Variants in UBXN2B observed in about 807,000 individuals in gnomAD.
UBXN2B encodes the protein UBX domain protein 2B.
In UBXN2B, 19 loss-of-function variants were observed where a neutral mutation model predicts 37.5. The ratio of observed to expected loss-of-function variants is 0.51; its 90% confidence interval spans 0.35 to 0.74. The LOEUF (loss-of-function observed/expected upper bound fraction) is 0.74, where lower values mean the gene tolerates loss of function less well. UBXN2B is among the 30% of genes least tolerant of loss of function. The probability of loss-of-function intolerance (pLI) is 0.01; values close to 1 mark genes in which losing one functional copy is unlikely to be tolerated. For missense variants in UBXN2B, 370 were observed against 393.2 expected, an observed-to-expected ratio of 0.94 and a Z score of 0.50; for synonymous variants, 145 against 143.8, an observed-to-expected ratio of 1.01 and a Z score of -0.06.
At chr8:58,412,773 T>A (rs780667774) in intron 1 of UBXN2B, among the ~76,000 whole-genome samples, 1 of 152,262 alleles carries the variant, frequency 6.6e-6, no homozygotes, top group Non-Finnish European at 1.5e-5. Context: ...TGTCTTCATT[T>A]GTAAACTGAG....
rs773987509 is a variant in UBXN2B, at chr8:58,437,318, CTTTTTTTTTTTTT to C, written c.534-2300_534-2288del. Among the ~76,000 whole-genome samples the C allele has an allele frequency of 1.8e-4, 13 of 74,262 alleles. 1 individual carries two copies. Among genetic ancestry groups the C allele is most frequent in the African/African-American group, 7.3e-4 (13 of 17,860 alleles). The allele number at this position is 74,262 out of a possible 152,430, so 48.7% of individuals were successfully genotyped here. A position where few individuals can be genotyped will look rare whatever the true frequency, so the allele number is the denominator to read the frequency against. ...CTAGGGTACCTGGTGGAAGAAATTT[CTTTTTTTTTTTTT>C]TTTTTTTTTTTTTTGGAGACGATTC... On this transcript the variant is annotated intron_variant, in intron 5 of 7. Transcript: ENST00000399598.
intron 5 of UBXN2B, among the ~76,000 whole-genome samples, chr8:58,439,126 G>T (rs1041549930): frequency 3.9e-5 from 6 of 152,108 alleles, no homozygotes; most frequent in Non-Finnish European, 7.3e-5. Flanking sequence ...AGATTCTGGT[G>T]CCTTGTTGCT....
intron 2 of UBXN2B, among the ~76,000 whole-genome samples, chr8:58,427,320 A>G (rs1433578491): frequency 6.6e-6 from 1 of 152,158 alleles, no homozygotes; most frequent in African/African-American, 2.4e-5. Flanking sequence ...AAAAATAGCC[A>G]AGCGTGGTGG....
intron 2 of UBXN2B, among the ~76,000 whole-genome samples, chr8:58,417,823 C>A (rs1374637084): frequency 6.6e-6 from 1 of 152,194 alleles, no homozygotes; most frequent in Non-Finnish European, 1.5e-5. Flanking sequence ...TTCTCTCTCT[C>A]TTTTTTACTC....
chr8:58,434,157 TG>T (rs1259135886), intron 4 of UBXN2B, among the ~76,000 whole-genome samples: 1 of 152,160 alleles, frequency 6.6e-6, no homozygotes, highest in African/African-American at 2.4e-5. Context: ...CTTTGGTATT[TG>T]CAGCCATTGT....
chr8:58,413,597 A>G (rs1262772587), intron 1 of UBXN2B, among the ~76,000 whole-genome samples: 2 of 152,158 alleles, frequency 1.3e-5, no homozygotes, highest in Non-Finnish European at 1.5e-5. Context: ...TGGAACAAGC[A>G]GAATTACCCC....
intron 6 of UBXN2B, among the ~76,000 whole-genome samples, chr8:58,443,665 G>A (rs1051218470): frequency 6.7e-5 from 10 of 149,060 alleles, no homozygotes; most frequent in East Asian, 2.0e-4. Context: ...AAAATTAGCC[G>A]CATGTGGTGA....
In UBXN2B at chr8:58,448,170, ATTC is replaced by A. The variant is rs1190624557; in HGVS notation, c.*622_*624del. 6.9e-6 allele frequency: 1 copy of A among 145,636 alleles called. No individual in the cohort carries two copies. The highest frequency in any genetic ancestry group is 1.5e-5 in the Non-Finnish European group (1 of 66,604). The allele number at this position is 145,636 out of a possible 1,614,324, so 9.0% of individuals were successfully genotyped here. A position where few individuals can be genotyped will look rare whatever the true frequency, so the allele number is the denominator to read the frequency against. On this transcript the variant is annotated 3_prime_UTR_variant, in exon 8 of 8. Coordinates refer to ENST00000399598, the MANE Select transcript of UBXN2B (RefSeq NM_001077619.2). ...AAACAGAAACACATAAAGGTCAGCA[ATTC>A]TTTTTTTTTTTTTTTTTGATATGGA...
intron 5 of UBXN2B, chr8:58,434,923 T>C: frequency 1.3e-6 from 2 of 1,535,604 alleles, no homozygotes; most frequent in South Asian, 2.4e-5. Context: ...TAATGTGGCA[T>C]TACTGCTGGC....
intron 2 of UBXN2B, among the ~76,000 whole-genome samples, chr8:58,419,322 C>G (rs1316900446): frequency 1.3e-5 from 2 of 152,106 alleles, no homozygotes; most frequent in East Asian, 1.9e-4. Context: ...CTGTTTGGTA[C>G]AGAAAACAGT....
Position 58,439,958 on chromosome 8 carries a change from ATAT to A in UBXN2B, c.671+191_671+193del, listed in dbSNP as rs561560659. Among the ~76,000 whole-genome samples the A allele has an allele frequency of 1.7e-4, 26 of 152,106 alleles. 1 individual carries two copies. The East Asian group carries it at 4.6e-3, about 27-fold the overall frequency. ...CCATTATATCATAATATTAATTGTG[ATAT>A]TAATAATACTGTAATTAATACTTAG... On this transcript the variant is annotated intron_variant, in intron 6 of 7. Coordinates refer to ENST00000399598, the MANE Select transcript of UBXN2B (RefSeq NM_001077619.2).
chr8:58,430,531 T>C lies in UBXN2B; in HGVS notation c.201T>C (p.Ser67=). 1 of 1,569,748 alleles carries C rather than the reference T, an allele frequency of 6.4e-7. No individual in the cohort carries two copies. Among genetic ancestry groups the C allele is most frequent in the Non-Finnish European group, 8.6e-7 (1 of 1,157,830 alleles). Residue 67 remains serine (S), a synonymous_variant, in exon 3 of 8, where the codon AGT becomes AGC. Transcript: ENST00000399598. ...AAAATGTTTAAAGGTTTTACTCAAG[T>C]GAACATGAATACAGTGGATTAAATA... ...PRTPPQRFYS[S]EHEYSGLNIV... is the part of the protein sequence containing the mutation.
intron 2 of UBXN2B, chr8:58,425,401 T>C: frequency 2.6e-6 from 3 of 1,135,170 alleles, no homozygotes; most frequent in Non-Finnish European, 4.0e-6. Context: ...GTAACTCTTC[T>C]TGGGCTTTGA....
chr8:58,434,950 T>G (rs1006293452), intron 5 of UBXN2B: 1 of 1,535,388 alleles, frequency 6.5e-7, no homozygotes, highest in African/African-American at 1.4e-5. Context: ...TTTCAAAAGG[T>G]TAGTTTGAAG....
At chr8:58,420,968 C>G (rs1369482750) in intron 2 of UBXN2B, among the ~76,000 whole-genome samples, 1 of 152,158 alleles carries the variant, frequency 6.6e-6, no homozygotes, top group African/African-American at 2.4e-5. Flanking sequence ...TTGATTCCCC[C>G]AACAACATAC....
chr8:58,429,471 A>G (rs1457551320), intron 2 of UBXN2B, among the ~76,000 whole-genome samples: 3 of 152,182 alleles, frequency 2.0e-5, no homozygotes, highest in Non-Finnish European at 2.9e-5. Flanking sequence ...TCTCCAGAGC[A>G]CTGGCAGGAT....
At chr8:58,430,257 G>T (rs1182366723) in intron 2 of UBXN2B, among the ~76,000 whole-genome samples, 2 of 152,192 alleles carry the variant, frequency 1.3e-5, no homozygotes, top group Non-Finnish European at 2.9e-5. Flanking sequence ...AAGGCTGAGG[G>T]ATCAGCAAGC....
intron 2 of UBXN2B, chr8:58,425,346 C>T: frequency 8.7e-7 from 1 of 1,152,154 alleles, no homozygotes; most frequent in Non-Finnish European, 1.3e-6. Context: ...ATACCATCCG[C>T]CAAAAGTCGT....
intron 1 of UBXN2B, 95 bp from the exon 2 acceptor site, chr8:58,416,755 C>A: frequency 2.0e-6 from 2 of 1,016,828 alleles, no homozygotes; most frequent in Non-Finnish European, 1.4e-6. Context: ...GTCTTTACCA[C>A]TCAATTTTAA....
Sources: gnomAD v4.1 joint callset for allele counts (sites outside exome capture counted in the v4.1 genomes callset) on GRCh38, gnomAD v4.1.1 for gene constraint, MANE v1.5 for transcripts, NCBI Gene and HGNC (gene_info 2026-07-23, HGNC 2026-07-21) for gene names.